SLC25A48: variants seen among roughly 807,000 people sequenced by gnomAD.
The protein encoded by SLC25A48 is solute carrier family 25 member 48.
In SLC25A48, 29 loss-of-function variants were observed where a neutral mutation model predicts 32.2. That is an observed-to-expected ratio of 0.90 (90% confidence interval 0.67 to 1.23). The LOEUF is 1.23. Ranked by LOEUF, SLC25A48 falls within the 50% of genes most tolerant of loss-of-function variation. The pLI is 0.00. For synonymous variants in SLC25A48, 164 were observed against 172.3 expected, an observed-to-expected ratio of 0.95 and a Z score of 0.38; for missense variants, 399 against 422.7, an observed-to-expected ratio of 0.94 and a Z score of 0.49.
chr5:135,784,244 C>T (rs1334185984), intron 3 of SLC25A48, among the ~76,000 whole-genome samples: 1 of 73,860 alleles, frequency 1.4e-5, no homozygotes, highest in East Asian at 3.5e-4. Flanking sequence ...GATGATATTA[C>T]TCCCAATAGC....
chr5:135,619,203 C>A (rs1309440789), intron 1 of SLC25A48, among the ~76,000 whole-genome samples: 3 of 151,612 alleles, frequency 2.0e-5, no homozygotes, highest in African/African-American at 7.3e-5. Flanking sequence ...AATTCTTTTT[C>A]TTTTAAAATT....
chr5:135,697,080 G>C (rs1422855441), intron 3 of SLC25A48, among the ~76,000 whole-genome samples: 1 of 151,762 alleles, frequency 6.6e-6, no homozygotes, highest in East Asian at 1.9e-4. Context: ...CTATAATTAT[G>C]GTTTTGAAAA....
intron 3 of SLC25A48, among the ~76,000 whole-genome samples, chr5:135,719,228 A>G (rs1001007135): frequency 6.6e-6 from 1 of 152,174 alleles, no homozygotes; most frequent in African/African-American, 2.4e-5. Context: ...CTGCGTTTAC[A>G]TTTTACAAAT....
intron 7 of SLC25A48, chr5:135,883,369 C>G (rs1413678251): frequency 2.0e-6 from 2 of 985,380 alleles, no homozygotes; most frequent in Admixed American, 6.1e-5. Context: ...ACCCTCCCCC[C>G]ATGGCCATTG....
chr5:135,688,091 C>T (rs1321469180), intron 3 of SLC25A48, among the ~76,000 whole-genome samples: 4 of 152,380 alleles, frequency 2.6e-5, no homozygotes, highest in East Asian at 3.9e-4. Context: ...GTGATTTTCA[C>T]TACTCTAAGT....
intron 7 of SLC25A48, among the ~76,000 whole-genome samples, chr5:135,882,492 C>T (rs1286980281): frequency 6.6e-6 from 1 of 151,906 alleles, no homozygotes; most frequent in Non-Finnish European, 1.5e-5. Context: ...GGGACCATCT[C>T]GAGAGTTCCT....
chr5:135,847,391 G>A (rs1020070944), intron 2 of SLC25A48, among the ~76,000 whole-genome samples: 1 of 152,172 alleles, frequency 6.6e-6, no homozygotes, highest in Non-Finnish European at 1.5e-5. Flanking sequence ...TGAACAAAAC[G>A]AGGGGGCCAG....
chr5:135,605,699 A>G (rs1024534668), intron 1 of SLC25A48, among the ~76,000 whole-genome samples: 1 of 152,158 alleles, frequency 6.6e-6, no homozygotes, highest in Non-Finnish European at 1.5e-5. Context: ...GAACTTGGAA[A>G]TTGTCCTAAG....
At chr5:135,885,226 G>C (rs796791391) in intron 7 of SLC25A48, among the ~76,000 whole-genome samples, 10 of 152,178 alleles carry the variant, frequency 6.6e-5, no homozygotes, top group African/African-American at 1.9e-4. Flanking sequence ...CATTGCTCTG[G>C]TCCAGGTTCC....
intron 1 of SLC25A48, among the ~76,000 whole-genome samples, chr5:135,607,127 C>T (rs995860569): frequency 5.9e-5 from 9 of 152,194 alleles, no homozygotes; most frequent in Non-Finnish European, 8.8e-5. Context: ...CTTCCAAAGG[C>T]GCTGCCTCTG....
intron 1 of SLC25A48, among the ~76,000 whole-genome samples, chr5:135,584,848 T>A (rs561389244): frequency 4.3e-4 from 65 of 152,344 alleles, no homozygotes; most frequent in African/African-American, 1.5e-3. Context: ...AACAGTAACC[T>A]CTGTACAAAG....
rs146533236 is a variant in SLC25A48 at position 135,652,467 on chromosome 5, C to T, written c.-521+17511C>T. On this transcript the variant is annotated intron_variant, in intron 3 of 10. Transcript: ENST00000646290. ...GCTTCTGATCCAAGAACCCACTTCT[C>T]AGCAAAGAAAGTGGTGCAATGGATT... 844 of 455,954 alleles carry T rather than the reference C, an allele frequency of 1.9e-3. 4 individuals are homozygous for T. Among genetic ancestry groups the T allele is most frequent in the African/African-American group, 7.8e-3 (391 of 50,192 alleles). The allele number at this position is 455,954 out of a possible 1,614,324, so 28.2% of individuals were successfully genotyped here.
At chr5:135,845,902 G>A (rs1399629926) in intron 2 of SLC25A48, among the ~76,000 whole-genome samples, 1 of 152,174 alleles carries the variant, frequency 6.6e-6, no homozygotes, top group Non-Finnish European at 1.5e-5. Context: ...GGCCTGGCTG[G>A]TGCCTATGTC....
At chr5:135,709,005 C>T (rs1333443381) in intron 3 of SLC25A48, among the ~76,000 whole-genome samples, 1 of 152,094 alleles carries the variant, frequency 6.6e-6, no homozygotes, top group Non-Finnish European at 1.5e-5. Flanking sequence ...GACTATCCTG[C>T]CAAGGTGATT....
intron 3 of SLC25A48, among the ~76,000 whole-genome samples, chr5:135,702,370 A>G (rs1478069192): frequency 6.6e-6 from 1 of 152,222 alleles, no homozygotes; most frequent in Non-Finnish European, 1.5e-5. Flanking sequence ...GGAGGATGCC[A>G]TGTGATGACA....
chr5:135,797,246 CATG>C (rs1757207554), intron 3 of SLC25A48, among the ~76,000 whole-genome samples: 1 of 151,750 alleles, frequency 6.6e-6, no homozygotes, highest in African/African-American at 2.4e-5. Context: ...AAGTGGAGAG[CATG>C]ATATTACTCC....
chr5:135,594,093 G>C (rs975825753), intron 1 of SLC25A48, among the ~76,000 whole-genome samples: 1 of 152,224 alleles, frequency 6.6e-6, no homozygotes, highest in Non-Finnish European at 1.5e-5. Context: ...GGCTTAGTCA[G>C]GAGCAAAAGA....
chr5:135,747,735 G>A (rs1755673760), intron 3 of SLC25A48, among the ~76,000 whole-genome samples: 1 of 152,172 alleles, frequency 6.6e-6, no homozygotes, highest in African/African-American at 2.4e-5. Flanking sequence ...CAATGTATCA[G>A]TTGCCTGTCA....
At chr5:135,868,864 C>T (rs1761425402) in intron 4 of SLC25A48, among the ~76,000 whole-genome samples, 1 of 152,182 alleles carries the variant, frequency 6.6e-6, no homozygotes, top group Admixed American at 6.5e-5. Flanking sequence ...CTCCTGAAAG[C>T]CACATCATAC....
Sources: gnomAD v4.1 joint callset for allele counts (sites outside exome capture counted in the v4.1 genomes callset) on GRCh38, gnomAD v4.1.1 for gene constraint, MANE v1.5 for transcripts, NCBI Gene and HGNC (gene_info 2026-07-23, HGNC 2026-07-21) for gene names.